Variants in ANO8 observed in about 807,000 individuals in gnomAD.
The protein encoded by ANO8 is anoctamin-8.
Under a neutral mutation model 120.4 loss-of-function variants are expected in ANO8, and 67 were observed. That is an observed-to-expected ratio of 0.56 (90% CI 0.46 to 0.68). The LOEUF (loss-of-function observed/expected upper bound fraction) is 0.68, where lower values mean the gene tolerates loss of function less well. Among genes scored for constraint, ANO8 ranks in the 30% least tolerant of loss-of-function variants. The pLI, the probability that ANO8 is intolerant of heterozygous loss-of-function variation, is 0.00. For synonymous variants in ANO8, 727 were observed against 759.2 expected, an observed-to-expected ratio of 0.96 and a Z score of 0.70; for missense variants, 1,526 against 1,737.6, an observed-to-expected ratio of 0.88 and a Z score of 2.16.
chr19:17,330,651 C>T, intron 8 of ANO8, 147 bp from the exon 9 acceptor site: 1 of 1,389,330 alleles, frequency 7.2e-7, no homozygotes, highest in South Asian at 1.4e-5. Flanking sequence ...TGTTCCCAGT[C>T]CCTCAAATCC....
chr19:17,326,958 A>C (rs1599544455), intron 16 of ANO8, among the ~76,000 whole-genome samples: 1 of 152,318 alleles, frequency 6.6e-6, no homozygotes, highest in Middle Eastern at 3.4e-3. Flanking sequence ...TTTTAGAGAC[A>C]GGGTCTTGCT....
At chr19:17,325,528 A>G in intron 16 of ANO8, 142 bp from the exon 17 acceptor site, 1 of 1,238,670 alleles carries the variant, frequency 8.1e-7, no homozygotes, top group Admixed American at 3.0e-5. Context: ...CCCTGCACCC[A>G]CAATGGGGGC....
chr19:17,323,929 C>T lies in ANO8; in HGVS notation c.3332-45G>A, dbSNP rs1015324297. On this transcript the variant is annotated intron_variant, in intron 17 of 17. Coordinates refer to ENST00000159087, the MANE Select transcript of ANO8 (RefSeq NM_020959.3). Reference sequence around the variant, plus strand: ...CGTTCCGGGGGGATGCCGCCCCCGCCGGACCCCGCCGGGCTGGCAACCCTG... The same window carrying T: ...CGTTCCGGGGGGATGCCGCCCCCGCTGGACCCCGCCGGGCTGGCAACCCTG... 14 of 1,103,810 alleles carry T rather than the reference C, an allele frequency of 1.3e-5. No homozygotes were observed. The East Asian group carries it at 6.7e-4, about 53-fold the overall frequency. The allele number at this position is 1,103,810 out of a possible 1,614,324, so 68.4% of individuals were successfully genotyped here. A position where few individuals can be genotyped will look rare whatever the true frequency, so the allele number is the denominator to read the frequency against.
rs1029909070 is a variant in ANO8, at chr19:17,323,679, G to T, written c.3537C>A (p.Ala1179=). 1.0e-4 allele frequency: 122 copies of T among 1,214,092 alleles called. No individual in the cohort carries two copies. The African/African-American group carries it at 1.9e-3, about 19-fold the overall frequency. The allele number at this position is 1,214,092 out of a possible 1,614,324, so 75.2% of individuals were successfully genotyped here. A position where few individuals can be genotyped will look rare whatever the true frequency, so the allele number is the denominator to read the frequency against. The stretch of plus-strand genomic sequence containing the variant: ...GGGGCTGGGGGGCGGGTGGGGGCCC[G>T]GCCATGGCACAGGGTGGGCACTCGG... ...AAAECPPCAM[A]GPPPAPQPLP... The change falls in exon 18 of 18, where the codon GCC becomes GCA. Residue 1179 remains alanine, a synonymous_variant. Transcript: ENST00000159087.
intron 10 of ANO8, 41 bp from the exon 11 acceptor site, chr19:17,330,055 C>A (rs1438976411): frequency 6.2e-7 from 1 of 1,613,826 alleles, no homozygotes; most frequent in African/African-American, 1.3e-5. Context: ...GCCGCGGTCC[C>A]CCCAAGGGTG....
intron 12 of ANO8, chr19:17,329,336 C>T (rs1217792638): frequency 5.8e-6 from 2 of 342,100 alleles, no homozygotes; most frequent in Non-Finnish European, 1.1e-5. Context: ...GCCCTCAGCT[C>T]GGCGCGCCAG....
In ANO8 at chr19:17,328,806, G is replaced by T; in HGVS notation, c.1582C>A (p.Pro528Thr). The change falls in exon 13 of 18, where the codon CCC (proline) becomes ACC (threonine). Residue 528 changes from proline to threonine, a missense_variant. Physicochemically the swap from Pro to Thr is conservative, Grantham distance 38. Transcript: ENST00000159087. ...LRRPAPRRLE[P>T]QADEGGGGGS... ...CCGCCCCCGCCCTCATCCGCCTGGG[G>T]TTCGAGGCGGCGGGGCGCAGGGCGC... 7.2e-7 allele frequency: 1 copy of T among 1,397,862 alleles called. No homozygotes were observed. Among genetic ancestry groups the T allele is most frequent in the South Asian group, 1.5e-5 (1 of 64,864 alleles). The allele number at this position is 1,397,862 out of a possible 1,614,324, so 86.6% of individuals were successfully genotyped here.
chr19:17,328,799 G>T lies in ANO8; in HGVS notation c.1589C>A (p.Ala530Glu). The change falls in exon 13 of 18, where the codon GCG becomes GAG. Residue 530 changes from alanine (A) to glutamate (E), a missense_variant. Physicochemically the swap from Ala to Glu is moderately radical, Grantham distance 107. Coordinates refer to ENST00000159087, the MANE Select transcript of ANO8 (RefSeq NM_020959.3). The stretch of plus-strand genomic sequence containing the variant: ...GCTGCCGCCGCCCCCGCCCTCATCC[G>T]CCTGGGGTTCGAGGCGGCGGGGCGC... ...RPAPRRLEPQ[A>E]DEGGGGGSGG... 6 of 1,379,536 alleles carry T rather than the reference G, an allele frequency of 4.3e-6. No individual in the cohort carries two copies. Among genetic ancestry groups the T allele is most frequent in the Non-Finnish European group, 5.6e-6 (6 of 1,072,438 alleles). The allele number at this position is 1,379,536 out of a possible 1,614,324, so 85.5% of individuals were successfully genotyped here.
Position 17,323,860 on chromosome 19 carries a change from G to A in ANO8, c.3356C>T (p.Ala1119Val), listed in dbSNP as rs1362868230. 110 of 1,122,744 alleles carry A rather than the reference G, an allele frequency of 9.8e-5. No individual in the cohort carries two copies. The highest frequency in any genetic ancestry group is 1.2e-4 in the Non-Finnish European group (107 of 917,944). The allele number at this position is 1,122,744 out of a possible 1,614,324, so 69.5% of individuals were successfully genotyped here. The change falls in exon 18 of 18, where the codon GCC becomes GTC. Residue 1119 changes from alanine to valine, a missense_variant. Ala to Val is a moderately conservative substitution (Grantham distance 64, BLOSUM62 0). Transcript: ENST00000159087. ...GCTGCGGCGGGTGCGGAGGGCAGGG[G>A]CGCCCACGGGGGCCAGCGCTGTCCC... Reference protein sequence around the residue: ...GSGTALAPVGAPALRTRRSRS... With the variant: ...GSGTALAPVGVPALRTRRSRS...
intron 16 of ANO8, among the ~76,000 whole-genome samples, chr19:17,326,260 C>G (rs1231793841): frequency 6.6e-6 from 1 of 152,172 alleles, no homozygotes; most frequent in South Asian, 2.1e-4. Context: ...ATAATCCCAG[C>G]ACTTTGGGAG....
intron 5 of ANO8, among the ~76,000 whole-genome samples, chr19:17,332,182 G>A (rs1328109298): frequency 6.6e-6 from 1 of 151,326 alleles, no homozygotes; most frequent in Non-Finnish European, 1.5e-5. Context: ...TGATACGCCC[G>A]CCTCAGCCTC....
At chr19:17,326,796 G>A (rs1291771407) in intron 16 of ANO8, among the ~76,000 whole-genome samples, 2 of 152,324 alleles carry the variant, frequency 1.3e-5, no homozygotes, top group East Asian at 1.9e-4. Flanking sequence ...GGAAGCCTCC[G>A]CTGTGTCCCT....
Position 17,334,593 on chromosome 19 carries a change from C to G in ANO8, c.78G>C (p.Glu26Asp), listed in dbSNP as rs1313747402. ...GAACTCCGGACGCCGGGGCTGCAGGCTCGCCCTCCGGCGGGGGCCTCTTGC... is the reference window on the plus strand; with the variant it reads ...GAACTCCGGACGCCGGGGCTGCAGGGTCGCCCTCCGGCGGGGGCCTCTTGC... The part of the protein sequence containing the change: ...ERGKRPPPEG[E>D]PAAPASGVLD... Residue 26 changes from glutamate (E) to aspartate (D), a missense_variant, in exon 1 of 18, where the codon GAG becomes GAC. Glu to Asp is a conservative substitution (Grantham distance 45, BLOSUM62 2). Coordinates refer to ENST00000159087, the MANE Select transcript of ANO8 (RefSeq NM_020959.3). 1 of 1,550,336 alleles carries G rather than the reference C, an allele frequency of 6.5e-7. No individual in the cohort carries two copies. Among genetic ancestry groups the G allele is most frequent in the South Asian group, 1.2e-5 (1 of 85,646 alleles).
intron 16 of ANO8, 73 bp from the exon 17 acceptor site, chr19:17,325,459 T>A: frequency 6.7e-7 from 1 of 1,498,788 alleles, no homozygotes. Flanking sequence ...GGCTGGTGCA[T>A]GCCAGGGCTC....
intron 16 of ANO8, among the ~76,000 whole-genome samples, 191 bp from the exon 17 acceptor site, chr19:17,325,577 T>A (rs2074269160): frequency 6.6e-6 from 1 of 152,196 alleles, no homozygotes; most frequent in South Asian, 2.1e-4. Context: ...ACTTATTGGG[T>A]GCAAACGGCA....
chr19:17,324,904 G>A lies in ANO8; in HGVS notation c.3144C>T (p.Ala1048=). The A allele has an allele frequency of 6.2e-7, 1 of 1,613,524 alleles. No individual in the cohort carries two copies. The highest frequency in any genetic ancestry group is 8.5e-7 in the Non-Finnish European group (1 of 1,179,886). The change falls in exon 17 of 18, where the codon GCC becomes GCT. Residue 1048 remains alanine (A), a synonymous_variant. Transcript: ENST00000159087. ...DSERSHSPPK[A]FHAGKLFPFG... ...AGGGGAAGAGCTTGCCAGCATGGAA[G>A]GCTTTGGGCGGTGAGTGGCTGCGCT...
In ANO8 at chr19:17,323,359, G is replaced by C; in HGVS notation, c.*158C>G. On this transcript the variant is annotated 3_prime_UTR_variant, in exon 18 of 18. Transcript: ENST00000159087. ...TGTGTGTGTGTTTTCTGTTGGATTT[G>C]TGGGTTTCCTTTCGTTTGGAAAGGA... 1 of 434,278 alleles carries C rather than the reference G, an allele frequency of 2.3e-6. No individual in the cohort carries two copies. Among genetic ancestry groups the C allele is most frequent in the Non-Finnish European group, 3.8e-6 (1 of 261,442 alleles). The allele number at this position is 434,278 out of a possible 1,614,324, so 26.9% of individuals were successfully genotyped here.
rs201349765 is a variant in ANO8, at chr19:17,333,660, C to A, written c.217+30G>T. 8 of 228,026 alleles carry A rather than the reference C, an allele frequency of 3.5e-5. No individual in the cohort carries two copies. In the South Asian group the frequency reaches 5.3e-4, roughly 15 times the overall value. The allele number at this position is 228,026 out of a possible 1,614,324, so 14.1% of individuals were successfully genotyped here. A position where few individuals can be genotyped will look rare whatever the true frequency, so the allele number is the denominator to read the frequency against. On this transcript the variant is annotated intron_variant, in intron 2 of 17. Transcript: ENST00000159087. The surrounding 1 kb of genome is among the most constrained non-coding windows in gnomAD (Gnocchi z 7.2). ...AGCTCAGGAGAGCCGCATCTGGGCA[C>A]TGGGCGGGCGGGCGGGCGGGCTTGG... is the stretch of plus-strand genomic sequence containing the variant.
chr19:17,333,715 G>A lies in ANO8; in HGVS notation c.192C>T (p.Asn64=). 5.6e-6 allele frequency: 9 copies of A among 1,606,610 alleles called. No individual in the cohort carries two copies. Among genetic ancestry groups the A allele is most frequent in the Non-Finnish European group, 7.6e-6 (9 of 1,177,702 alleles). The part of the protein sequence containing the change: ...KAWMKTVPTE[N]CDVLMTFPDT... ...CTGGGAAGGTCATCAGCACGTCGCA[G>A]TTCTCTGTAGGCACCGTCTTCATCC... The change falls in exon 2 of 18, where the codon AAC becomes AAT. Residue 64 remains asparagine, a synonymous_variant. Transcript: ENST00000159087. The surrounding 1 kb of genome is among the most constrained non-coding windows in gnomAD (Gnocchi z 7.2).
Sources: allele counts gnomAD v4.1 joint callset (sites outside exome capture counted in the v4.1 genomes callset), GRCh38; gene constraint gnomAD v4.1.1; non-coding constraint Gnocchi (gnomAD v3.1); transcripts MANE v1.5; gene names NCBI Gene and HGNC (gene_info 2026-07-23, HGNC 2026-07-21).